ZDHHC2: variants seen among roughly 807,000 people sequenced by gnomAD.
The protein encoded by ZDHHC2 is palmitoyltransferase ZDHHC2.
Under a neutral mutation model 55.6 loss-of-function variants are expected in ZDHHC2, and 51 were observed. The observed-to-expected ratio is 0.92, with a 90% CI of 0.73 to 1.16. ZDHHC2 has a LOEUF of 1.16. Among genes scored for constraint, ZDHHC2 ranks in the 50% most tolerant of loss-of-function variants. The pLI is 0.00. For synonymous variants in ZDHHC2, 199 were observed against 152.9 expected (o/e 1.30, Z -2.22); for missense variants, 491 against 442.4 (o/e 1.11, Z -0.99).
In ZDHHC2 at chr8:17,156,633, C is replaced by G. The variant is rs1024762961; in HGVS notation, c.-91C>G. ...CGCACCCCGCCGCCGCCCAGGAGCC[C>G]GTCCAGCCAGGGGTGCCGGGCCCGC... On this transcript the variant is annotated 5_prime_UTR_variant, in exon 1 of 13. Transcript: ENST00000262096. 2 of 1,032,724 alleles carry G rather than the reference C, an allele frequency of 1.9e-6. No individual in the cohort carries two copies. The highest frequency in any genetic ancestry group is 2.4e-6 in the Non-Finnish European group (2 of 849,306). 64.0% of individuals were successfully genotyped at this position (1,032,724 alleles called of 1,614,324 possible). A position where few individuals can be genotyped will look rare whatever the true frequency, so the allele number is the denominator to read the frequency against.
chr8:17,190,121 T>G (rs1384889632), intron 3 of ZDHHC2, among the ~76,000 whole-genome samples: 1 of 152,114 alleles, frequency 6.6e-6, no homozygotes, highest in Non-Finnish European at 1.5e-5. Flanking sequence ...TTTTTAAAGT[T>G]TTGTATATGA....
Position 17,156,762 on chromosome 8 carries a change from G to A in ZDHHC2, c.39G>A (p.Arg13=). Residue 13 remains arginine, a synonymous_variant, in exon 1 of 13, where the codon CGG becomes CGA. Coordinates refer to ENST00000262096, the MANE Select transcript of ZDHHC2 (RefSeq NM_016353.5). ...PSGPGSSARR[R]CRRVLYWIPV... is the part of the protein sequence containing the mutation. The stretch of plus-strand genomic sequence containing the variant: ...GCCCGGGCAGCAGCGCCAGGCGGCG[G>A]TGCCGGCGGGTGCTGTACTGGATCC... 1 of 1,503,178 alleles carries A rather than the reference G, an allele frequency of 6.7e-7. No homozygotes were observed. Among genetic ancestry groups the A allele is most frequent in the Admixed American group, 2.2e-5 (1 of 46,372 alleles). The allele number at this position is 1,503,178 out of a possible 1,614,324, so 93.1% of individuals were successfully genotyped here.
intron 6 of ZDHHC2, among the ~76,000 whole-genome samples, chr8:17,202,791 T>C (rs1806865768): frequency 6.6e-6 from 1 of 151,814 alleles, no homozygotes; most frequent in South Asian, 2.1e-4. Context: ...ACATACTCTA[T>C]GTATATACAT....
intron 7 of ZDHHC2, among the ~76,000 whole-genome samples, chr8:17,206,329 T>C (rs993741293): frequency 6.6e-6 from 1 of 152,166 alleles, no homozygotes; most frequent in Non-Finnish European, 1.5e-5. Flanking sequence ...CAATAATGTA[T>C]ATTAAATAAG....
chr8:17,223,144 T>C lies in ZDHHC2; in HGVS notation c.*2923T>C, dbSNP rs990965602. On this transcript the variant is annotated 3_prime_UTR_variant, in exon 13 of 13. Coordinates refer to ENST00000262096, the MANE Select transcript of ZDHHC2 (RefSeq NM_016353.5). ...ATAAACTAGCAGATTTTCCCTATTT[T>C]GAAATGCATGTAAACGGGCTCGGCT... 3.3e-5 allele frequency: 5 copies of C among 151,938 alleles called. No individual in the cohort carries two copies. The highest frequency in any genetic ancestry group is 5.9e-5 in the Non-Finnish European group (4 of 67,826). 9.4% of individuals were successfully genotyped at this position (151,938 alleles called of 1,614,324 possible).
rs141532031 is a variant in ZDHHC2 at position 17,207,111 on chromosome 8, A to G, written c.598-849A>G. On this transcript the variant is annotated intron_variant, in intron 7 of 12. Transcript: ENST00000262096. ...GGAATGACCAGAATTTTCGCTGTCAAAAAAACCTGCTGCTGTTGAAAACTG... is the reference window on the plus strand; with the variant it reads ...GGAATGACCAGAATTTTCGCTGTCAGAAAAACCTGCTGCTGTTGAAAACTG... 4.0e-4 allele frequency among the ~76,000 whole-genome samples: 61 copies of G among 152,316 alleles called. 1 individual carries two copies. Among genetic ancestry groups the G allele is most frequent in the African/African-American group, 1.4e-3 (60 of 41,584 alleles).
Position 17,223,610 on chromosome 8 carries a change from A to G in ZDHHC2, c.*3389A>G, listed in dbSNP as rs1808007183. The G allele has an allele frequency of 6.6e-6, 1 of 151,812 alleles. No homozygotes were observed. The highest frequency in any genetic ancestry group is 1.5e-5 in the Non-Finnish European group (1 of 67,752). 9.4% of individuals were successfully genotyped at this position (151,812 alleles called of 1,614,324 possible). A position where few individuals can be genotyped will look rare whatever the true frequency, so the allele number is the denominator to read the frequency against. On this transcript the variant is annotated 3_prime_UTR_variant, in exon 13 of 13. Transcript: ENST00000262096. The stretch of plus-strand genomic sequence containing the variant: ...TACTCTTTTACAAAGATACCATTAG[A>G]ATTTTCTCACTGTCTTGGTAAAAAT...
intron 3 of ZDHHC2, among the ~76,000 whole-genome samples, chr8:17,194,577 T>A (rs1160760802): frequency 6.6e-6 from 1 of 152,044 alleles, no homozygotes; most frequent in Non-Finnish European, 1.5e-5. Flanking sequence ...CATGTATCTC[T>A]CAACAACAGT....
In ZDHHC2 at chr8:17,156,837, C is replaced by T; in HGVS notation, c.114C>T (p.Ala38=). 6.6e-7 allele frequency: 1 copy of T among 1,518,288 alleles called. No individual in the cohort carries two copies. Among genetic ancestry groups the T allele is most frequent in the Non-Finnish European group, 8.8e-7 (1 of 1,131,580 alleles). The allele number at this position is 1,518,288 out of a possible 1,614,324, so 94.1% of individuals were successfully genotyped here. Residue 38 remains alanine (A), a synonymous_variant, in exon 1 of 13, where the codon GCC becomes GCT. Transcript: ENST00000262096. ...LLLGWSYYAY[A]IQLCIVSMEN... ...TCGGCTGGTCCTACTACGCCTACGC[C>T]ATCCAGCTGTGCATAGGTGAGTGCG...
intron 3 of ZDHHC2, among the ~76,000 whole-genome samples, chr8:17,191,728 A>G (rs1806039897): frequency 6.6e-6 from 1 of 152,188 alleles, no homozygotes. Context: ...ATTGATGGAC[A>G]CTGAGTTTCC....
chr8:17,181,363 G>A (rs1384083125), intron 1 of ZDHHC2, among the ~76,000 whole-genome samples: 2 of 152,146 alleles, frequency 1.3e-5, no homozygotes, highest in South Asian at 4.1e-4. Context: ...GTTACAGGCA[G>A]GAAATGTTTA....
At chr8:17,164,478 A>G (rs1373365348) in intron 1 of ZDHHC2, among the ~76,000 whole-genome samples, 1 of 152,184 alleles carries the variant, frequency 6.6e-6, no homozygotes, top group Non-Finnish European at 1.5e-5. Flanking sequence ...CATGTGAAGT[A>G]TACAATTAAG....
At position 17,184,807 on chromosome 8, in the gene ZDHHC2, G is replaced by A. The variant is rs777840218; in HGVS notation, c.149G>A (p.Gly50Asp). 3 of 1,549,762 alleles carry A rather than the reference G, an allele frequency of 1.9e-6. No homozygotes were observed. The highest frequency in any genetic ancestry group is 2.6e-6 in the Non-Finnish European group (3 of 1,146,098). Residue 50 changes from glycine (G) to aspartate (D), a missense_variant, in exon 2 of 13, where the codon GGC becomes GAC. Physicochemically the swap from Gly to Asp is moderately conservative, Grantham distance 94. Transcript: ENST00000262096. ...QLCIVSMENT[G>D]EQVVCLMAYH... ...TTTACAGTGTCCATGGAAAACACTG[G>A]CGAACAAGGTAAGCTAGATTATATT...
chr8:17,218,738 C>A (rs1807765434), intron 12 of ZDHHC2, among the ~76,000 whole-genome samples: 1 of 152,152 alleles, frequency 6.6e-6, no homozygotes, highest in African/African-American at 2.4e-5. Context: ...CGCTATAGAT[C>A]TAAAAATACC....
intron 1 of ZDHHC2, among the ~76,000 whole-genome samples, chr8:17,159,705 TGA>T (rs1804236019): frequency 6.6e-6 from 1 of 152,358 alleles, no homozygotes; most frequent in South Asian, 2.1e-4. Flanking sequence ...ATATATTGTG[TGA>T]GAGTCAAGTA....
intron 6 of ZDHHC2, among the ~76,000 whole-genome samples, chr8:17,202,391 A>G (rs1032011557): frequency 6.6e-6 from 1 of 151,612 alleles, no homozygotes; most frequent in African/African-American, 2.4e-5. Context: ...CACATAGGAA[A>G]TTTTTTTTTA....
chr8:17,206,647 C>A (rs116239403), intron 7 of ZDHHC2, among the ~76,000 whole-genome samples: 1 of 151,946 alleles, frequency 6.6e-6, no homozygotes, highest in African/African-American at 2.4e-5. Context: ...AATTTTTATT[C>A]GGTATTTCTT....
In ZDHHC2 at chr8:17,224,343, A is replaced by G. The variant is rs1808037584; in HGVS notation, c.*4122A>G. On this transcript the variant is annotated 3_prime_UTR_variant, in exon 13 of 13. Coordinates refer to ENST00000262096, the MANE Select transcript of ZDHHC2 (RefSeq NM_016353.5). ...TACAATTGGGGGAAAATGTCTGTTAAGGCTAATCATCTGAGTGATTTGAGT... is the reference window on the plus strand; with the variant it reads ...TACAATTGGGGGAAAATGTCTGTTAGGGCTAATCATCTGAGTGATTTGAGT... The G allele has an allele frequency of 6.6e-6, 1 of 151,736 alleles. No individual in the cohort carries two copies. Among genetic ancestry groups the G allele is most frequent in the Non-Finnish European group, 1.5e-5 (1 of 67,740 alleles). The allele number at this position is 151,736 out of a possible 1,614,324, so 9.4% of individuals were successfully genotyped here. A position where few individuals can be genotyped will look rare whatever the true frequency, so the allele number is the denominator to read the frequency against.
intron 1 of ZDHHC2, 144 bp from the exon 2 acceptor site, chr8:17,184,645 C>A: frequency 1.4e-6 from 1 of 711,814 alleles, no homozygotes. Context: ...CTCACCTCTC[C>A]TCCAAATAAA....
Sources: gnomAD v4.1 joint callset for allele counts (sites outside exome capture counted in the v4.1 genomes callset) on GRCh38, gnomAD v4.1.1 for gene constraint, MANE v1.5 for transcripts, NCBI Gene and HGNC (gene_info 2026-07-23, HGNC 2026-07-21) for gene names.